The following ANXA10 variants were observed in gnomAD, a reference collection of about 807,000 sequenced individuals.
ANXA10 encodes annexin A10.
A neutral mutation model predicts 53.5 loss-of-function variants in ANXA10; 49 were observed. The observed-to-expected ratio is 0.92, with a 90% confidence interval of 0.73 to 1.16. The LOEUF is 1.16. ANXA10 is among the 50% of genes most tolerant of loss of function. ANXA10 has a pLI of 0.00. For synonymous variants in ANXA10, 131 were observed against 128.9 expected, an observed-to-expected ratio of 1.02 and a Z score of -0.11; for missense variants, 393 against 394.4, an observed-to-expected ratio of 1.00 and a Z score of 0.03.
intron 1 of ANXA10, among the ~76,000 whole-genome samples, chr4:168,126,667 T>C (rs1465654867): frequency 6.6e-6 from 1 of 152,188 alleles, no homozygotes; most frequent in Non-Finnish European, 1.5e-5. Flanking sequence ...TGAGTCTGTC[T>C]GATATATTTA....
intron 2 of ANXA10, among the ~76,000 whole-genome samples, chr4:168,137,523 C>T (rs1731256598): frequency 6.6e-6 from 1 of 152,166 alleles, no homozygotes; most frequent in African/African-American, 2.4e-5. Flanking sequence ...TCAGTGAGAA[C>T]ATATGGTACT....
intron 1 of ANXA10, among the ~76,000 whole-genome samples, chr4:168,096,296 T>G (rs1730538694): frequency 6.6e-6 from 1 of 152,184 alleles, no homozygotes; most frequent in African/African-American, 2.4e-5. Context: ...GCAAATATTA[T>G]TAAAAGGTTA....
At chr4:168,130,523 T>C (rs1731140611) in intron 2 of ANXA10, among the ~76,000 whole-genome samples, 1 of 152,070 alleles carries the variant, frequency 6.6e-6, no homozygotes, top group Non-Finnish European at 1.5e-5. Context: ...TTCTAATTTC[T>C]GAAGGAGATT....
At chr4:168,153,893 AGAT>A (rs1731553004) in intron 3 of ANXA10, among the ~76,000 whole-genome samples, 1 of 152,114 alleles carries the variant, frequency 6.6e-6, no homozygotes. Context: ...TTCGAACATT[AGAT>A]GATATCTGAT....
chr4:168,115,274 C>G (rs1026596633), intron 1 of ANXA10, among the ~76,000 whole-genome samples: 4 of 152,000 alleles, frequency 2.6e-5, no homozygotes, highest in African/African-American at 9.7e-5. Flanking sequence ...TGGGGAAAAC[C>G]CTGATACCTT....
At chr4:168,094,204 T>A (rs2149462758) in intron 1 of ANXA10, among the ~76,000 whole-genome samples, 1 of 152,260 alleles carries the variant, frequency 6.6e-6, no homozygotes. Context: ...ATTACCAGGC[T>A]AACAAGATTT....
intron 3 of ANXA10, among the ~76,000 whole-genome samples, chr4:168,141,084 A>C: frequency 6.6e-6 from 1 of 152,354 alleles, no homozygotes; most frequent in East Asian, 1.9e-4. Flanking sequence ...ACTTACACTC[A>C]AGGAATTTAA....
In ANXA10 at chr4:168,100,302, TACA is replaced by T. The variant is rs1279329315; in HGVS notation, c.18+7586_18+7588del. On this transcript the variant is annotated intron_variant, in intron 1 of 11. Coordinates refer to ENST00000359299, the MANE Select transcript of ANXA10 (RefSeq NM_007193.5). ...ATTCTTCTCTCATCTGATTTTGATT[TACA>T]AGAACATTCTTTCCTTAGAGTGGGA... Among the ~76,000 whole-genome samples the T allele has an allele frequency of 3.9e-5, 6 of 152,154 alleles. No individual in the cohort carries two copies. In the East Asian group the frequency reaches 1.2e-3, roughly 29 times the overall value.
rs377693118 is a variant in ANXA10 at position 168,092,724 on chromosome 4, T to C, written c.18+6T>C. 1.3e-6 allele frequency: 2 copies of C among 1,572,796 alleles called. No individual in the cohort carries two copies. The highest frequency in any genetic ancestry group is 1.7e-6 in the Non-Finnish European group (2 of 1,161,650). On this transcript the variant is annotated splice_donor_region_variant and intron_variant, in intron 1 of 11. Transcript: ENST00000359299. ...AAATGTTTTGTGGAGACTATGTGAG[T>C]ATAATGCTTATTTCTGTAAAGCTTT...
chr4:168,165,222 A>G, intron 5 of ANXA10, 25 bp from the exon 6 acceptor site: 1 of 1,424,550 alleles, frequency 7.0e-7, no homozygotes, highest in Non-Finnish European at 9.7e-7. Context: ...AATAAATCAT[A>G]CCTTTAACAT....
At position 168,182,491 on chromosome 4, in the gene ANXA10, C is replaced by T. The variant is rs535282530; in HGVS notation, c.783+750C>T. Among the ~76,000 whole-genome samples, 12 of 149,516 alleles carry T rather than the reference C, an allele frequency of 8.0e-5. No individual in the cohort carries two copies. The South Asian group carries it at 1.5e-3, about 18-fold the overall frequency. On this transcript the variant is annotated intron_variant, in intron 10 of 11. Coordinates refer to ENST00000359299, the MANE Select transcript of ANXA10 (RefSeq NM_007193.5). ...GACTACAGGTACCCGCCACCACACC[C>T]GGCTAATTTTGTTTTGTGTTTTTAG...
intron 6 of ANXA10, among the ~76,000 whole-genome samples, chr4:168,170,717 G>A (rs886934606): frequency 6.6e-6 from 1 of 152,024 alleles, no homozygotes; most frequent in African/African-American, 2.4e-5. Flanking sequence ...CATTTTATAA[G>A]AAGCCAAGGA....
chr4:168,095,957 A>G (rs546525684), intron 1 of ANXA10, among the ~76,000 whole-genome samples: 1 of 152,330 alleles, frequency 6.6e-6, no homozygotes, highest in East Asian at 1.9e-4. Flanking sequence ...CAAGAGCACG[A>G]AAGTCAGGCA....
intron 3 of ANXA10, among the ~76,000 whole-genome samples, chr4:168,149,067 G>A (rs1162457675): frequency 6.6e-6 from 1 of 152,018 alleles, no homozygotes; most frequent in Non-Finnish European, 1.5e-5. Flanking sequence ...TAGATTCTCT[G>A]TTATTCTCTG....
intron 1 of ANXA10, among the ~76,000 whole-genome samples, chr4:168,126,076 T>A (rs552640297): frequency 4.0e-5 from 6 of 151,800 alleles, no homozygotes; most frequent in African/African-American, 1.4e-4. Context: ...CATTGAAAAA[T>A]GTACATTTTT....
At chr4:168,180,248 G>C (rs1205599360) in intron 9 of ANXA10, among the ~76,000 whole-genome samples, 2 of 151,920 alleles carry the variant, frequency 1.3e-5, no homozygotes, top group Non-Finnish European at 2.9e-5. Context: ...ATTTATTCCA[G>C]AAAATTCTCT....
At chr4:168,120,367 T>C (rs984281978) in intron 1 of ANXA10, among the ~76,000 whole-genome samples, 2 of 152,054 alleles carry the variant, frequency 1.3e-5, no homozygotes, top group African/African-American at 4.8e-5. Flanking sequence ...AATTTTCACC[T>C]CAAGTAAAAC....
chr4:168,141,791 C>A (rs1731329768), intron 3 of ANXA10, among the ~76,000 whole-genome samples: 1 of 152,160 alleles, frequency 6.6e-6, no homozygotes, highest in Non-Finnish European at 1.5e-5. Context: ...TTTTTCTTCA[C>A]GTTCCCTGCT....
At chr4:168,156,070 TTA>T (rs1357012876) in intron 3 of ANXA10, among the ~76,000 whole-genome samples, 17 of 66,768 alleles carry the variant, frequency 2.5e-4, no homozygotes, top group African/African-American at 8.6e-4. Flanking sequence ...ATATCATATA[TTA>T]TATATATTAT....
Sources: gnomAD v4.1 joint callset for allele counts (sites outside exome capture counted in the v4.1 genomes callset) on GRCh38, gnomAD v4.1.1 for gene constraint, MANE v1.5 for transcripts, NCBI Gene and HGNC (gene_info 2026-07-23, HGNC 2026-07-21) for gene names.